NINJ2: variants seen among roughly 807,000 people sequenced by gnomAD.
NINJ2 encodes the protein ninjurin 2, also known as ninjurin-2.
NINJ2 carries 12 observed loss-of-function variants against 11.7 expected under a neutral mutation model. That is an observed-to-expected ratio of 1.02 (90% CI 0.66 to 1.66). The LOEUF (loss-of-function observed/expected upper bound fraction) is 1.66. NINJ2 is among the 40% of genes most tolerant of loss of function. The probability of loss-of-function intolerance (pLI) is 0.00; values close to 1 mark genes in which losing one functional copy is unlikely to be tolerated. For missense variants in NINJ2, 187 were observed against 181.8 expected (o/e 1.03, Z -0.16); for synonymous variants, 93 against 76.8 (o/e 1.21, Z -1.10).
chr12:610,590 G>C (rs1376761529), intron 1 of NINJ2: 4 of 985,074 alleles, frequency 4.1e-6, no homozygotes, highest in Non-Finnish European at 4.8e-6. Flanking sequence ...GAGCGACTCT[G>C]TTCAGCCCAG....
chr12:610,877 G>T (rs1366618751), intron 1 of NINJ2, among the ~76,000 whole-genome samples: 1 of 151,848 alleles, frequency 6.6e-6, no homozygotes, highest in Non-Finnish European at 1.5e-5. Flanking sequence ...GGGATTACAG[G>T]CACCCACCAC....
rs985741544 is a variant in NINJ2, at chr12:624,688, A to G, written c.33+38640T>C. On this transcript the variant is annotated intron_variant, in intron 1 of 3. Coordinates refer to ENST00000305108, the MANE Select transcript of NINJ2 (RefSeq NM_016533.6). Reference sequence around the variant, plus strand: ...GCCAGGCGTGGTGGCATGTGCCTGTAATCTCAGCAACTTGGGAGGCTGAGG... The same window carrying G: ...GCCAGGCGTGGTGGCATGTGCCTGTGATCTCAGCAACTTGGGAGGCTGAGG... 5.9e-5 allele frequency among the ~76,000 whole-genome samples: 9 copies of G among 151,678 alleles called. No individual in the cohort carries two copies. The East Asian group carries it at 1.7e-3, about 29-fold the overall frequency.
intron 1 of NINJ2, among the ~76,000 whole-genome samples, chr12:636,821 G>A (rs1040765368): frequency 6.6e-6 from 1 of 152,204 alleles, no homozygotes; most frequent in Non-Finnish European, 1.5e-5. Context: ...AGCAGCCACT[G>A]TGGAAAACAG....
chr12:572,926 A>G (rs1947397893), intron 1 of NINJ2, among the ~76,000 whole-genome samples: 1 of 139,050 alleles, frequency 7.2e-6, no homozygotes, highest in African/African-American at 2.8e-5. Context: ...GCACAATCTC[A>G]GCTCACTGCA....
chr12:630,088 CCA>C (rs1179738584), intron 1 of NINJ2, among the ~76,000 whole-genome samples: 1 of 151,094 alleles, frequency 6.6e-6, no homozygotes, highest in Non-Finnish European at 1.5e-5. Context: ...CACCAAAGCC[CCA>C]CCTCAGTTCT....
chr12:655,912 T>TAATA (rs959112657), intron 1 of NINJ2, among the ~76,000 whole-genome samples: 4 of 151,490 alleles, frequency 2.6e-5, no homozygotes, highest in African/African-American at 9.7e-5. Flanking sequence ...GACTCCATCT[T>TAATA]AATAAATAAA....
chr12:658,179 A>C (rs1311565527), intron 1 of NINJ2, among the ~76,000 whole-genome samples: 1 of 150,550 alleles, frequency 6.6e-6, no homozygotes, highest in African/African-American at 2.4e-5. Context: ...TTGTATTTTT[A>C]GTAGAAGTGG....
intron 1 of NINJ2, among the ~76,000 whole-genome samples, chr12:663,066 TTGAC>T (rs1592122787): frequency 6.6e-6 from 1 of 152,196 alleles, no homozygotes; most frequent in Non-Finnish European, 1.5e-5. Context: ...AATTAGCTCT[TTGAC>T]TGACAAGAGG....
chr12:623,130 C>A (rs1366772400), intron 1 of NINJ2, among the ~76,000 whole-genome samples: 3 of 152,192 alleles, frequency 2.0e-5, no homozygotes, highest in Admixed American at 6.5e-5. Flanking sequence ...CAGCTCAAGG[C>A]TAGCTTCTCT....
intron 1 of NINJ2, among the ~76,000 whole-genome samples, chr12:599,974 G>A (rs983072600): frequency 3.3e-5 from 5 of 152,162 alleles, no homozygotes; most frequent in African/African-American, 4.8e-5. Flanking sequence ...CAGCTGCCAG[G>A]GCCCCGATAC....
chr12:593,948 G>C (rs1447132021), intron 1 of NINJ2, among the ~76,000 whole-genome samples: 2 of 152,168 alleles, frequency 1.3e-5, no homozygotes, highest in African/African-American at 4.8e-5. Flanking sequence ...TCCTCAACTT[G>C]ATAAAGAATA....
chr12:588,975 A>G (rs939815013), intron 1 of NINJ2, among the ~76,000 whole-genome samples: 1 of 152,226 alleles, frequency 6.6e-6, no homozygotes, highest in African/African-American at 2.4e-5. Flanking sequence ...TTGGAGGACA[A>G]TCTGACAATT....
At chr12:572,073 C>T (rs996335809) in intron 1 of NINJ2, among the ~76,000 whole-genome samples, 29 of 152,230 alleles carry the variant, frequency 1.9e-4, no homozygotes, top group Admixed American at 6.5e-5. Context: ...GTGAGCAATC[C>T]GGGCCGGGAG....
intron 1 of NINJ2, among the ~76,000 whole-genome samples, chr12:661,155 T>A: frequency 6.6e-6 from 1 of 152,194 alleles, no homozygotes; most frequent in East Asian, 1.9e-4. Context: ...TGTAGCTCAC[T>A]GCAACCTTGA....
intron 1 of NINJ2, among the ~76,000 whole-genome samples, chr12:598,578 A>T (rs78461138): frequency 0.012 from 1,869 of 152,308 alleles, 38 homozygotes; most frequent in African/African-American, 0.041. Flanking sequence ...TCATCAATTC[A>T]ATCTAATTAG....
In NINJ2 at chr12:580,457, G is replaced by T. The variant is rs1161525194; in HGVS notation, c.34-14279C>A. Among the ~76,000 whole-genome samples, 3 of 151,996 alleles carry T rather than the reference G, an allele frequency of 2.0e-5. No homozygotes were observed. The highest frequency in any genetic ancestry group is 4.4e-5 in the Non-Finnish European group (3 of 67,998). On this transcript the variant is annotated intron_variant, in intron 1 of 3. Coordinates refer to ENST00000305108, the MANE Select transcript of NINJ2 (RefSeq NM_016533.6). This position sits in a 1 kb window ranked among gnomAD's most constrained non-coding sequence, Gnocchi z 4.7. The stretch of plus-strand genomic sequence containing the variant: ...ACAAAAATTAGCCAGATGTGGTGGT[G>T]CACGCCTATAATTCCAGCTACTCGG...
intron 1 of NINJ2, among the ~76,000 whole-genome samples, chr12:583,971 A>G (rs1947597065): frequency 6.6e-6 from 1 of 152,142 alleles, no homozygotes; most frequent in South Asian, 2.1e-4. Context: ...AATATTAAGC[A>G]TCGTCTTGAG....
intron 1 of NINJ2, among the ~76,000 whole-genome samples, chr12:613,408 G>C (rs552026843): frequency 1.4e-4 from 21 of 152,172 alleles, no homozygotes; most frequent in Admixed American, 1.3e-4. Flanking sequence ...AGGAGTTCAA[G>C]ACTAGCCTAG....
intron 1 of NINJ2, chr12:643,041 C>T (rs1378339097): frequency 1.3e-5 from 2 of 152,942 alleles, no homozygotes; most frequent in African/African-American, 2.4e-5. Flanking sequence ...CTGCCATTCC[C>T]CCGAGTCGGC....
Sources: allele counts gnomAD v4.1 joint callset (sites outside exome capture counted in the v4.1 genomes callset), GRCh38; gene constraint gnomAD v4.1.1; non-coding constraint Gnocchi (gnomAD v3.1); transcripts MANE v1.5; gene names NCBI Gene and HGNC (gene_info 2026-07-23, HGNC 2026-07-21).